Variants in TRPM6 observed in about 807,000 individuals in gnomAD.
TRPM6 encodes channel kinase 2.
Under a neutral mutation model 247.6 loss-of-function variants are expected in TRPM6, and 111 were observed. The observed-to-expected ratio is 0.45, with a 90% CI of 0.38 to 0.52. The LOEUF (loss-of-function observed/expected upper bound fraction) is 0.52. TRPM6 is among the 20% of genes least tolerant of loss of function. The probability of loss-of-function intolerance (pLI) is 0.00; values close to 1 mark genes in which losing one functional copy is unlikely to be tolerated. For missense variants in TRPM6, 2,126 were observed against 2,421.5 expected, an observed-to-expected ratio of 0.88 and a Z score of 2.56; for synonymous variants, 892 against 853.8, an observed-to-expected ratio of 1.04 and a Z score of -0.78.
At chr9:74,746,437 T>C (rs891567722) in intron 31 of TRPM6, among the ~76,000 whole-genome samples, 5 of 152,186 alleles carry the variant, frequency 3.3e-5, no homozygotes, top group Non-Finnish European at 7.3e-5. Context: ...GAACATTTTG[T>C]TTGAGACACC....
chr9:74,771,112 G>A (rs1827017867), intron 25 of TRPM6, among the ~76,000 whole-genome samples: 2 of 152,078 alleles, frequency 1.3e-5, no homozygotes, highest in Admixed American at 1.3e-4. Flanking sequence ...AGGCGGCTGC[G>A]CTTGCTGTTC....
rs12345363 is a variant in TRPM6, at chr9:74,843,151, C to T, written c.153-808G>A. ...CACCAGTAGATTCCATTTCAATGAA[C>T]CATTTTCTTTATTCATCCATAAGAA... On this transcript the variant is annotated intron_variant, in intron 3 of 38. Transcript: ENST00000360774. Among the ~76,000 whole-genome samples, 1,492 of 152,234 alleles carry T rather than the reference C, an allele frequency of 9.8e-3. 27 individuals carry two copies. Among genetic ancestry groups the T allele is most frequent in the African/African-American group, 0.034 (1,418 of 41,544 alleles).
At chr9:74,790,318 T>TA (rs1330336427) in intron 19 of TRPM6, among the ~76,000 whole-genome samples, 7 of 152,226 alleles carry the variant, frequency 4.6e-5, no homozygotes, top group Non-Finnish European at 1.0e-4. Context: ...TCTTGGTCTA[T>TA]ATCTCAAAGT....
rs542072189 is a variant in TRPM6, at chr9:74,781,592, C to T, written c.3209+770G>A. On this transcript the variant is annotated intron_variant, in intron 23 of 38. Coordinates refer to ENST00000360774, the MANE Select transcript of TRPM6 (RefSeq NM_017662.5). ...GAAAGGAAAAGAAAAGAAAAGGAAA[C>T]GAAAGAGAGGAAAGGAGAGGAGAGG... Among the ~76,000 whole-genome samples, 10 of 118,358 alleles carry T rather than the reference C, an allele frequency of 8.4e-5. No individual in the cohort carries two copies. In the East Asian group the frequency reaches 1.5e-3, roughly 17 times the overall value. The allele number at this position is 118,358 out of a possible 152,430, so 77.6% of individuals were successfully genotyped here.
At chr9:74,831,976 T>C (rs1416608586) in intron 6 of TRPM6, among the ~76,000 whole-genome samples, 1 of 152,190 alleles carries the variant, frequency 6.6e-6, no homozygotes, top group Non-Finnish European at 1.5e-5. Flanking sequence ...TTAAATGTCA[T>C]CACGTTGGAA....
intron 1 of TRPM6, among the ~76,000 whole-genome samples, chr9:74,864,250 T>C (rs1020699443): frequency 6.6e-6 from 1 of 152,234 alleles, no homozygotes; most frequent in Admixed American, 6.5e-5. Flanking sequence ...TTTGTTATTT[T>C]TTCTTCAGAG....
intron 7 of TRPM6, among the ~76,000 whole-genome samples, chr9:74,825,335 T>C (rs1829294787): frequency 6.6e-6 from 1 of 152,138 alleles, no homozygotes; most frequent in Admixed American, 6.6e-5. Flanking sequence ...AAATCCCTTT[T>C]TGATCAAATC....
In TRPM6 at chr9:74,724,678, A is replaced by G; in HGVS notation, c.6004T>C (p.Ser2002Pro). The G allele has an allele frequency of 6.2e-7, 1 of 1,614,092 alleles. No homozygotes were observed. The highest frequency in any genetic ancestry group is 8.5e-7 in the Non-Finnish European group (1 of 1,179,992). The change falls in exon 39 of 39, where the codon TCA becomes CCA. Residue 2002 changes from serine to proline, a missense_variant. Physicochemically the swap from Ser to Pro is moderately conservative, Grantham distance 74. Around this residue, in one of 3 missense-constraint regions of TRPM6, gnomAD observed 327 missense variants for 397.7 expected, o/e 0.82. Coordinates refer to ENST00000360774, the MANE Select transcript of TRPM6 (RefSeq NM_017662.5). Reference sequence around the variant, plus strand: ...TCCCTTGCTGGAGGCTCCTCAGCTGATTCTATTTTTATCTCAAGTCCAAAG... The same window carrying G: ...TCCCTTGCTGGAGGCTCCTCAGCTGGTTCTATTTTTATCTCAAGTCCAAAG... ...STFGLEIKIE[S>P]AEEPPARETG...
chr9:74,750,268 G>C (rs1480431020), intron 30 of TRPM6, among the ~76,000 whole-genome samples: 1 of 152,110 alleles, frequency 6.6e-6, no homozygotes, highest in Non-Finnish European at 1.5e-5. Flanking sequence ...TAAAATTAAA[G>C]AATAAACGTA....
chr9:74,839,064 T>C (rs1392525293), intron 5 of TRPM6, among the ~76,000 whole-genome samples: 2 of 144,484 alleles, frequency 1.4e-5, no homozygotes, highest in African/African-American at 2.6e-5. Flanking sequence ...GAGCCAAGAC[T>C]GCACCATTGC....
In TRPM6 at chr9:74,728,329, A is replaced by G. The variant is rs1202757766; in HGVS notation, c.5845T>C (p.Phe1949Leu). The change falls in exon 38 of 39, where the codon TTT becomes CTT. Residue 1949 changes from phenylalanine (F) to leucine (L), a missense_variant. By Grantham distance (22) the Phe-to-Leu change is conservative (BLOSUM62 0). Transcript: ENST00000360774. Reference protein sequence around the residue: ...PEVKQSRGMVFGPANLGEDAI... With the variant: ...PEVKQSRGMVLGPANLGEDAI... ...TCTTCCCCCAAATTGGCCGGTCCAA[A>G]CACCATTCCTCTTGATCTAGAGGAA... is the stretch of plus-strand genomic sequence containing the variant. 1.2e-6 allele frequency: 2 copies of G among 1,612,772 alleles called. No individual in the cohort carries two copies. Among genetic ancestry groups the G allele is most frequent in the Non-Finnish European group, 8.5e-7 (1 of 1,178,780 alleles).
At chr9:74,732,802 T>C in intron 36 of TRPM6, 66 bp from the exon 37 acceptor site, 1 of 1,190,886 alleles carries the variant, frequency 8.4e-7, no homozygotes, top group Non-Finnish European at 1.2e-6. Flanking sequence ...TTCAAGAAAA[T>C]AATAATTAAA....
At chr9:74,851,519 C>T (rs147805052) in intron 3 of TRPM6, among the ~76,000 whole-genome samples, 4 of 150,818 alleles carry the variant, frequency 2.7e-5, no homozygotes, top group South Asian at 2.1e-4. Flanking sequence ...AGGCTGAGGA[C>T]GGCGGAACAT....
rs1826104153 is a variant in TRPM6, at chr9:74,747,881, A to G, written c.5083+8T>C. 6 of 1,606,342 alleles carry G rather than the reference A, an allele frequency of 3.7e-6. No homozygotes were observed. Among genetic ancestry groups the G allele is most frequent in the Middle Eastern group, 1.7e-4 (1 of 6,032 alleles). ...TAAAAAATAAAATGTTTAAACAGAA[A>G]AACTTACTGTCAACTCCAATTGAAC... On this transcript the variant is annotated splice_region_variant and intron_variant, in intron 31 of 38. Coordinates refer to ENST00000360774, the MANE Select transcript of TRPM6 (RefSeq NM_017662.5).
rs866815740 is a variant in TRPM6 at position 74,734,380 on chromosome 9, T to G, written c.5777-1644A>C. 2.0e-5 allele frequency among the ~76,000 whole-genome samples: 3 copies of G among 152,364 alleles called. No individual in the cohort carries two copies. The Middle Eastern group carries it at 0.01, about 518-fold the overall frequency. On this transcript the variant is annotated intron_variant, in intron 36 of 38. Coordinates refer to ENST00000360774, the MANE Select transcript of TRPM6 (RefSeq NM_017662.5). ...TTTTAAAAAGATTTTTGCTATCGTC[T>G]GTAGGTTTTACAATATGCTAAACCT...
At position 74,834,034 on chromosome 9, in the gene TRPM6, A is replaced by G. The variant is rs144221623; in HGVS notation, c.633T>C (p.Gly211=). ...KIWTVGIPPW[G]VIENQRDLIG... ...TAAGGTCTCTCTGGTTCTCAATGAC[A>G]CCCCAAGGAGGGATTCCAACTGTCC... Residue 211 remains glycine (G), a synonymous_variant, in exon 6 of 39, where the codon GGT becomes GGC. Coordinates refer to ENST00000360774, the MANE Select transcript of TRPM6 (RefSeq NM_017662.5). 5,426 of 1,614,064 alleles carry G rather than the reference A, an allele frequency of 3.4e-3. 17 individuals are homozygous for G. Among genetic ancestry groups the G allele is most frequent in the Middle Eastern group, 8.2e-3 (50 of 6,062 alleles).
intron 25 of TRPM6, among the ~76,000 whole-genome samples, chr9:74,767,062 C>A (rs1826852115): frequency 6.6e-6 from 1 of 152,124 alleles, no homozygotes; most frequent in African/African-American, 2.4e-5. Flanking sequence ...CAGGCAATTT[C>A]TTTTGGGGTT....
chr9:74,802,902 C>T (rs1828395041), intron 15 of TRPM6, among the ~76,000 whole-genome samples: 1 of 152,268 alleles, frequency 6.6e-6, no homozygotes, highest in East Asian at 1.9e-4. Flanking sequence ...GCTCATCATA[C>T]TGCACTACGG....
At chr9:74,735,065 C>CA (rs2118713917) in intron 36 of TRPM6, among the ~76,000 whole-genome samples, 1 of 151,886 alleles carries the variant, frequency 6.6e-6, no homozygotes, top group Non-Finnish European at 1.5e-5. Flanking sequence ...CAAACAAATA[C>CA]AAAAATTAGC....
Sources: allele counts gnomAD v4.1 joint callset (sites outside exome capture counted in the v4.1 genomes callset), GRCh38; gene constraint gnomAD v4.1.1; regional missense constraint gnomAD v4.1.1; transcripts MANE v1.5; gene names NCBI Gene and HGNC (gene_info 2026-07-23, HGNC 2026-07-21).